The following CFAP69 variants were observed in gnomAD, a reference collection of about 807,000 sequenced individuals.
The protein encoded by CFAP69 is cilia and flagella associated protein 69.
A neutral mutation model predicts 123.0 loss-of-function variants in CFAP69; 92 were observed. The ratio of observed to expected loss-of-function variants is 0.75; its 90% CI spans 0.63 to 0.89. CFAP69 has a LOEUF of 0.89. Among genes scored for constraint, CFAP69 ranks in the 40% least tolerant of loss-of-function variants. CFAP69 has a pLI of 0.00. For synonymous variants in CFAP69, 380 were observed against 364.3 expected, an observed-to-expected ratio of 1.04 and a Z score of -0.49; for missense variants, 1,067 against 1,096.9, an observed-to-expected ratio of 0.97 and a Z score of 0.39.
chr7:90,320,050 C>A, the CFAP69 span, among the ~76,000 whole-genome samples: 1 of 152,176 alleles, frequency 6.6e-6, no homozygotes, highest in African/African-American at 2.4e-5. Context: ...GCTTATGCTC[C>A]AACCTTCTCC....
intron 5 of CFAP69, among the ~76,000 whole-genome samples, chr7:90,266,450 G>A (rs1349229631): frequency 1.3e-5 from 2 of 152,070 alleles, no homozygotes; most frequent in African/African-American, 4.8e-5. Flanking sequence ...ACCCAAAAGA[G>A]GACATGGTAG....
chr7:90,319,869 C>G, the CFAP69 span: 1 of 397,194 alleles, frequency 2.5e-6, no homozygotes, highest in Non-Finnish European at 4.4e-6. Context: ...AATCTGCTTA[C>G]TAGGTATTCA....
rs780375985 is a variant in CFAP69, at chr7:90,307,024, G to C, written c.2389G>C (p.Ala797Pro). Residue 797 changes from alanine to proline, a missense_variant, in exon 20 of 23, where the codon GCT (alanine) becomes CCT (proline). By Grantham distance (27) the Ala-to-Pro change is conservative (BLOSUM62 -1). Transcript: ENST00000389297. ...TASENIGKMV[A>P]SLQSDIIESQ... The stretch of plus-strand genomic sequence containing the variant: ...ATCAGAAAATATTGGAAAGATGGTT[G>C]CTTCTCTGCAAAGTGATATAATTGA... 6.2e-7 allele frequency: 1 copy of C among 1,613,534 alleles called. No individual in the cohort carries two copies. The highest frequency in any genetic ancestry group is 2.2e-5 in the East Asian group (1 of 44,798).
At chr7:90,320,127 A>T in the CFAP69 span, among the ~76,000 whole-genome samples, 4 of 152,252 alleles carry the variant, frequency 2.6e-5, no homozygotes, top group African/African-American at 9.6e-5. Flanking sequence ...CCTATCCAAG[A>T]CTCCTACCTA....
chr7:90,289,976 A>G (rs1790884057), intron 15 of CFAP69, among the ~76,000 whole-genome samples: 1 of 152,164 alleles, frequency 6.6e-6, no homozygotes. Context: ...TCTTTTGTCT[A>G]TCCTTCTGTA....
downstream of CFAP69, chr7:90,311,193 G>A (rs1794295648): frequency 6.6e-6 from 1 of 152,102 alleles, no homozygotes; most frequent in South Asian, 2.1e-4. Flanking sequence ...GAGCAAATCT[G>A]TGTCCCTGGA....
intron 8 of CFAP69, 34 bp from the exon 9 acceptor site, chr7:90,273,953 A>G (rs1800363472): frequency 6.7e-7 from 1 of 1,497,452 alleles, no homozygotes; most frequent in Admixed American, 2.1e-5. Context: ...AGTGTATAAC[A>G]ATATAGTTTT....
chr7:90,285,190 C>T (rs1180853589), intron 13 of CFAP69, among the ~76,000 whole-genome samples: 1 of 152,122 alleles, frequency 6.6e-6, no homozygotes, highest in East Asian at 1.9e-4. Context: ...ATATAGGCCC[C>T]TCTGTCCATG....
At position 90,288,313 on chromosome 7, in the gene CFAP69, G is replaced by C. The variant is rs745994398; in HGVS notation, c.1736G>C (p.Gly579Ala). Residue 579 changes from glycine (G) to alanine (A), a missense_variant, in exon 15 of 23, where the codon GGC becomes GCC. Physicochemically the swap from Gly to Ala is moderately conservative, Grantham distance 60. Transcript: ENST00000389297. ...TDPRKLQSGLGYNVLLFSTLD... is the reference protein window; with the variant it reads ...TDPRKLQSGLAYNVLLFSTLD... Reference sequence around the variant, plus strand: ...CCCAGGAAGTTACAGAGTGGCTTAGGCTATAATGTACTTCTTTTTAGTACA... The same window carrying C: ...CCCAGGAAGTTACAGAGTGGCTTAGCCTATAATGTACTTCTTTTTAGTACA... 6.2e-7 allele frequency: 1 copy of C among 1,611,846 alleles called. No individual in the cohort carries two copies. Among genetic ancestry groups the C allele is most frequent in the East Asian group, 2.2e-5 (1 of 44,766 alleles).
At chr7:90,296,559 C>T (rs1310385651) in intron 15 of CFAP69, among the ~76,000 whole-genome samples, 1 of 151,980 alleles carries the variant, frequency 6.6e-6, no homozygotes, top group African/African-American at 2.4e-5. Context: ...AACTCCTGAC[C>T]TCAGGTGATC....
chr7:90,272,524 A>G (rs576092161), intron 8 of CFAP69, among the ~76,000 whole-genome samples: 136 of 152,302 alleles, frequency 8.9e-4, no homozygotes, highest in African/African-American at 3.1e-3. Context: ...GTAAGATGCT[A>G]CATGTTCTTC....
At chr7:90,260,296 C>A (rs1294919165) in intron 3 of CFAP69, among the ~76,000 whole-genome samples, 1 of 151,898 alleles carries the variant, frequency 6.6e-6, no homozygotes, top group Non-Finnish European at 1.5e-5. Flanking sequence ...GAGTCTGAGG[C>A]AGGAGGATCA....
chr7:90,305,006 G>A (rs1324417838), intron 19 of CFAP69, among the ~76,000 whole-genome samples, 186 bp downstream of exon 19: 2 of 152,078 alleles, frequency 1.3e-5, no homozygotes, highest in Non-Finnish European at 2.9e-5. Flanking sequence ...TGTTTTTCAT[G>A]GGATAAGATT....
At position 90,265,387 on chromosome 7, in the gene CFAP69, G is replaced by A. The variant is rs753382827; in HGVS notation, c.433+10G>A. 1.3e-6 allele frequency: 2 copies of A among 1,585,432 alleles called. No individual in the cohort carries two copies. Among genetic ancestry groups the A allele is most frequent in the Non-Finnish European group, 8.7e-7 (1 of 1,155,344 alleles). On this transcript the variant is annotated intron_variant, in intron 5 of 22. Coordinates refer to ENST00000389297, the MANE Select transcript of CFAP69 (RefSeq NM_001039706.3). ...TCAATTGCACTTCTGGGTAAGTTAA[G>A]ATTTCCTTAAGGTATAGGGATGTAA... is the stretch of plus-strand genomic sequence containing the variant.
In CFAP69 at chr7:90,279,793, T is replaced by C; in HGVS notation, c.1272T>C (p.Ile424=). Residue 424 remains isoleucine, a synonymous_variant, in exon 12 of 23, where the codon ATT becomes ATC. Coordinates refer to ENST00000389297, the MANE Select transcript of CFAP69 (RefSeq NM_001039706.3). ...ATGAAGAATTACAACTGCATGCAAT[T>C]GCCACTTTGTCATCAGTGGCTCCTT... is the stretch of plus-strand genomic sequence containing the variant. The part of the protein sequence containing the change: ...AQHEELQLHA[I]ATLSSVAPLL... 1 of 1,612,976 alleles carries C rather than the reference T, an allele frequency of 6.2e-7. No homozygotes were observed. The highest frequency in any genetic ancestry group is 8.5e-7 in the Non-Finnish European group (1 of 1,179,648).
chr7:90,265,728 CTAA>C (rs1298018572), intron 5 of CFAP69, among the ~76,000 whole-genome samples: 4 of 152,068 alleles, frequency 2.6e-5, no homozygotes, highest in African/African-American at 9.7e-5. Context: ...ACTTTGAACT[CTAA>C]TATTGAATTG....
intron 2 of CFAP69, among the ~76,000 whole-genome samples, chr7:90,257,691 A>G (rs1797815306): frequency 6.6e-6 from 1 of 152,192 alleles, no homozygotes; most frequent in Non-Finnish European, 1.5e-5. Flanking sequence ...TGCTGCTACA[A>G]ATGACAGAAT....
intron 9 of CFAP69, chr7:90,275,936 G>A (rs1788547023): frequency 6.6e-6 from 1 of 152,140 alleles, no homozygotes; most frequent in African/African-American, 2.4e-5. Flanking sequence ...AACTCGTGTA[G>A]TGCCATTCCC....
intron 5 of CFAP69, among the ~76,000 whole-genome samples, 166 bp from the exon 6 acceptor site, chr7:90,268,120 G>A (rs1799416744): frequency 6.6e-6 from 1 of 152,158 alleles, no homozygotes; most frequent in Non-Finnish European, 1.5e-5. Context: ...ATGTATGTAT[G>A]TGTGTGAGCA....
Sources: allele counts gnomAD v4.1 joint callset (sites outside exome capture counted in the v4.1 genomes callset), GRCh38; gene constraint gnomAD v4.1.1; transcripts MANE v1.5; gene names NCBI Gene and HGNC (gene_info 2026-07-23, HGNC 2026-07-21).